Variants in LMNTD1 observed in about 807,000 individuals in gnomAD.
LMNTD1 encodes the protein lamin tail domain-containing protein 1.
A neutral mutation model predicts 50.9 loss-of-function variants in LMNTD1; 35 were observed. The ratio of observed to expected loss-of-function variants is 0.69; its 90% CI spans 0.53 to 0.91. The LOEUF is 0.91. Among genes scored for constraint, LMNTD1 ranks in the 40% least tolerant of loss-of-function variants. The pLI, the probability that LMNTD1 is intolerant of heterozygous loss-of-function variation, is 0.00. For synonymous variants in LMNTD1, 153 were observed against 161.9 expected (o/e 0.94, Z 0.42); for missense variants, 470 against 475.5 (o/e 0.99, Z 0.11).
At chr12:25,489,931 C>T (rs1446071548) in intron 9 of LMNTD1, among the ~76,000 whole-genome samples, 3 of 151,916 alleles carry the variant, frequency 2.0e-5, no homozygotes, top group African/African-American at 7.3e-5. Flanking sequence ...ATTTTGATGC[C>T]AAAGAGAAAC....
chr12:25,491,212 C>T (rs1033833251), intron 9 of LMNTD1, among the ~76,000 whole-genome samples: 5 of 152,098 alleles, frequency 3.3e-5, no homozygotes, highest in African/African-American at 4.8e-5. Flanking sequence ...GCATTTTATA[C>T]GGAGAAAATC....
chr12:25,594,860 A>G (rs1009122051), intron 1 of LMNTD1, among the ~76,000 whole-genome samples: 1 of 152,160 alleles, frequency 6.6e-6, no homozygotes, highest in Non-Finnish European at 1.5e-5. Flanking sequence ...AAGGATGCAC[A>G]TAAACTCAAG....
chr12:25,528,286 A>G (rs1354073966), intron 4 of LMNTD1, among the ~76,000 whole-genome samples: 1 of 152,168 alleles, frequency 6.6e-6, no homozygotes, highest in Admixed American at 6.5e-5. Flanking sequence ...TAAATAGAAA[A>G]ACTGAGGTTT....
intron 1 of LMNTD1, among the ~76,000 whole-genome samples, chr12:25,610,283 C>G (rs923761465): frequency 6.6e-6 from 1 of 152,172 alleles, no homozygotes; most frequent in Non-Finnish European, 1.5e-5. Flanking sequence ...TTCCAGGCCC[C>G]TTGTGCTTCC....
intron 9 of LMNTD1, among the ~76,000 whole-genome samples, chr12:25,490,130 A>T (rs756376561): frequency 6.6e-6 from 1 of 152,098 alleles, no homozygotes; most frequent in Non-Finnish European, 1.5e-5. Flanking sequence ...CTTCTGTAAC[A>T]CTATCCCTTA....
chr12:25,519,224 T>G (rs1179125660), intron 7 of LMNTD1, among the ~76,000 whole-genome samples: 1 of 152,192 alleles, frequency 6.6e-6, no homozygotes, highest in Non-Finnish European at 1.5e-5. Context: ...ACCTAAGCAC[T>G]GCTAAAGACT....
intron 1 of LMNTD1, among the ~76,000 whole-genome samples, chr12:25,585,593 A>T (rs1945488417): frequency 6.6e-6 from 1 of 152,228 alleles, no homozygotes; most frequent in South Asian, 2.1e-4. Flanking sequence ...TTTGAAATGC[A>T]ATTGGCAAAA....
chr12:25,555,965 C>CTTT (rs71065954), upstream of LMNTD1, among the ~76,000 whole-genome samples: 6 of 69,410 alleles, frequency 8.6e-5, no homozygotes, highest in African/African-American at 2.6e-4. Context: ...GTGCAATAAT[C>CTTT]TTTTTTTTTT....
intron 4 of LMNTD1, among the ~76,000 whole-genome samples, chr12:25,527,667 TATATATATATATATACACAC>T (rs1467793505): frequency 0.024 from 542 of 23,020 alleles, 4 homozygotes; most frequent in Middle Eastern, 0.043. Context: ...TATATATATA[TATATATATATATATACACAC>T]ACACACACAC....
intron 4 of LMNTD1, among the ~76,000 whole-genome samples, chr12:25,536,749 C>A (rs1174950740): frequency 1.5e-4 from 23 of 152,250 alleles, no homozygotes; most frequent in Admixed American, 1.5e-3. Context: ...AGGAACAGCT[C>A]CAGTCTACAG....
At chr12:25,609,437 T>C (rs1946193478) in intron 1 of LMNTD1, among the ~76,000 whole-genome samples, 1 of 152,214 alleles carries the variant, frequency 6.6e-6, no homozygotes, top group African/African-American at 2.4e-5. Context: ...TCTGCTCTGG[T>C]TTCTCCTCTT....
intron 1 of LMNTD1, among the ~76,000 whole-genome samples, chr12:25,632,070 G>T (rs1022873529): frequency 1.3e-5 from 2 of 152,100 alleles, no homozygotes; most frequent in African/African-American, 4.8e-5. Context: ...CGAAGACAAG[G>T]TCTTCAAATT....
At chr12:25,553,407 T>A, upstream of LMNTD1, 1 of 366,734 alleles carries the variant, frequency 2.7e-6, no homozygotes, top group Non-Finnish European at 4.4e-6. Context: ...TTGCAGACAT[T>A]AAATAAAGTA....
At chr12:25,598,210 A>G (rs773779472) in intron 1 of LMNTD1, among the ~76,000 whole-genome samples, 1 of 152,102 alleles carries the variant, frequency 6.6e-6, no homozygotes, top group Non-Finnish European at 1.5e-5. Context: ...TAGCAGCATG[A>G]GAACAGAATA....
At chr12:25,559,557 G>A (rs987480405) in intron 1 of LMNTD1, among the ~76,000 whole-genome samples, 3 of 152,090 alleles carry the variant, frequency 2.0e-5, no homozygotes, top group Non-Finnish European at 4.4e-5. Context: ...TTGGTTATAT[G>A]TCCAGTAATG....
At chr12:25,637,719 T>C (rs1049956639) in intron 1 of LMNTD1, among the ~76,000 whole-genome samples, 1 of 152,106 alleles carries the variant, frequency 6.6e-6, no homozygotes, top group African/African-American at 2.4e-5. Context: ...TAAAGAACTC[T>C]TCCAATTCAA....
rs1041559296 is a variant in LMNTD1 at position 25,476,198 on chromosome 12, A to G, written c.*285T>C. 1.3e-5 allele frequency: 2 copies of G among 152,386 alleles called. No individual in the cohort carries two copies. The highest frequency in any genetic ancestry group is 3.9e-4 in the East Asian group (2 of 5,192). 9.4% of individuals were successfully genotyped at this position (152,386 alleles called of 1,614,324 possible). A position where few individuals can be genotyped will look rare whatever the true frequency, so the allele number is the denominator to read the frequency against. On this transcript the variant is annotated 3_prime_UTR_variant, in exon 10 of 10. Coordinates refer to ENST00000458174, the MANE Select transcript of LMNTD1 (RefSeq NM_001145728.2). ...TTACAAAAAGAGAAATCTAAGGCAA[A>G]TAGCAATTTTATCCATTGAATAATA...
At chr12:25,549,261 A>G (rs1038560505) in intron 3 of LMNTD1, 65 bp downstream of exon 3, 1 of 831,280 alleles carries the variant, frequency 1.2e-6, no homozygotes, top group Non-Finnish European at 1.9e-6. Context: ...AGAGTCATAT[A>G]TGCAATCTAT....
At chr12:25,492,632 T>C (rs1938924989) in intron 9 of LMNTD1, among the ~76,000 whole-genome samples, 1 of 152,242 alleles carries the variant, frequency 6.6e-6, no homozygotes, top group Admixed American at 6.5e-5. Context: ...ACATGTGAGC[T>C]AGAAATGCTA....
Sources: gnomAD v4.1 joint callset for allele counts (sites outside exome capture counted in the v4.1 genomes callset) on GRCh38, gnomAD v4.1.1 for gene constraint, MANE v1.5 for transcripts, NCBI Gene and HGNC (gene_info 2026-07-23, HGNC 2026-07-21) for gene names.